Variants in XYLT1 observed in about 807,000 individuals in gnomAD.
XYLT1 encodes xylosyltransferase 1.
A neutral mutation model predicts 91.3 loss-of-function variants in XYLT1; 36 were observed. The ratio of observed to expected loss-of-function variants is 0.39; its 90% CI spans 0.30 to 0.52. XYLT1 has a LOEUF of 0.52. XYLT1 is among the 20% of genes least tolerant of loss of function. The pLI is 0.68. For missense variants in XYLT1, 1,242 were observed against 1,284.5 expected (o/e 0.97, Z 0.51); for synonymous variants, 588 against 532.0 (o/e 1.11, Z -1.45).
chr16:17,430,349 C>T (rs1311570491), intron 1 of XYLT1, among the ~76,000 whole-genome samples: 3 of 152,254 alleles, frequency 2.0e-5, no homozygotes, highest in East Asian at 1.9e-4. Flanking sequence ...TACGGGTGCT[C>T]AACCAGTAAG....
intron 2 of XYLT1, among the ~76,000 whole-genome samples, chr16:17,300,452 CTTTTTTT>C (rs67480834): frequency 1.7e-4 from 11 of 64,844 alleles, no homozygotes; most frequent in African/African-American, 3.7e-4. Flanking sequence ...TTCATTCTTT[CTTTTTTT>C]TTTTTTTTTT....
chr16:17,421,189 C>T (rs2036247713), intron 1 of XYLT1, among the ~76,000 whole-genome samples: 1 of 152,168 alleles, frequency 6.6e-6, no homozygotes, highest in Non-Finnish European at 1.5e-5. Context: ...GAGAACATGC[C>T]TGTGCTTTGT....
chr16:17,353,717 G>GA (rs756934975), intron 2 of XYLT1, among the ~76,000 whole-genome samples: 31,901 of 151,908 alleles, frequency 0.21, 3,622 homozygotes, highest in Middle Eastern at 0.28. Flanking sequence ...CTGTCTATCT[G>GA]TCCGTCTGTC....
At chr16:17,252,118 T>A (rs569082906) in intron 3 of XYLT1, among the ~76,000 whole-genome samples, 3 of 146,158 alleles carry the variant, frequency 2.1e-5, no homozygotes, top group Admixed American at 2.0e-4. Flanking sequence ...GGTGCAAAAG[T>A]AATTGCAGAA....
chr16:17,445,803 G>A (rs1295316589), intron 1 of XYLT1: 2 of 152,274 alleles, frequency 1.3e-5, no homozygotes, highest in East Asian at 3.9e-4. Flanking sequence ...TTGTTCTCAG[G>A]GGCACCATTC....
intron 1 of XYLT1, among the ~76,000 whole-genome samples, chr16:17,453,678 A>G (rs2036697765): frequency 2.0e-5 from 3 of 152,244 alleles, no homozygotes. Context: ...GACACACGCT[A>G]CTGCAGGCTA....
chr16:17,247,940 A>G (rs554894299), intron 3 of XYLT1, among the ~76,000 whole-genome samples: 2 of 152,282 alleles, frequency 1.3e-5, no homozygotes, highest in South Asian at 4.2e-4. Flanking sequence ...AGGGCTCAAA[A>G]GTGGAAGAAG....
At chr16:17,164,057 A>AAAAAAAG (rs1206785439) in intron 5 of XYLT1, among the ~76,000 whole-genome samples, 2 of 148,758 alleles carry the variant, frequency 1.3e-5, no homozygotes, top group Non-Finnish European at 3.0e-5. Context: ...AAAAAAAAAA[A>AAAAAAAG]AAAAAAAAAA....
chr16:17,285,160 G>A (rs1184927452), intron 2 of XYLT1, among the ~76,000 whole-genome samples: 1 of 152,196 alleles, frequency 6.6e-6, no homozygotes, highest in Non-Finnish European at 1.5e-5. Context: ...TCTTCTCTCC[G>A]GGGTGTTGCT....
intron 1 of XYLT1, among the ~76,000 whole-genome samples, chr16:17,465,348 T>C (rs1475473404): frequency 6.6e-6 from 1 of 151,884 alleles, no homozygotes; most frequent in African/African-American, 2.4e-5. Flanking sequence ...GAGCTTCAGT[T>C]TCCTCCTGGG....
intron 1 of XYLT1, among the ~76,000 whole-genome samples, chr16:17,423,242 T>A (rs1300455085): frequency 6.6e-6 from 1 of 152,152 alleles, no homozygotes; most frequent in Non-Finnish European, 1.5e-5. Flanking sequence ...GGGCCGCCCT[T>A]CTCGGCAGGC....
intron 2 of XYLT1, among the ~76,000 whole-genome samples, chr16:17,280,032 T>C (rs1455369787): frequency 6.6e-6 from 1 of 152,144 alleles, no homozygotes; most frequent in Non-Finnish European, 1.5e-5. Context: ...GCAATCAACA[T>C]CCTGCCCATG....
At chr16:17,374,882 T>C (rs2035578390) in intron 1 of XYLT1, among the ~76,000 whole-genome samples, 1 of 152,126 alleles carries the variant, frequency 6.6e-6, no homozygotes, top group South Asian at 2.1e-4. Context: ...CATGTTTCCA[T>C]TTACTCACAC....
intron 3 of XYLT1, among the ~76,000 whole-genome samples, chr16:17,258,729 C>G (rs2033673133): frequency 6.6e-6 from 1 of 152,202 alleles, no homozygotes; most frequent in Non-Finnish European, 1.5e-5. Flanking sequence ...CTCCCGATTT[C>G]ACTATAATTT....
At chr16:17,226,028 G>A (rs1481898232) in intron 3 of XYLT1, among the ~76,000 whole-genome samples, 1 of 148,384 alleles carries the variant, frequency 6.7e-6, no homozygotes, top group Non-Finnish European at 1.5e-5. Context: ...GCATGAGGTA[G>A]TGGGTTTGAA....
intron 2 of XYLT1, among the ~76,000 whole-genome samples, chr16:17,325,115 G>A (rs2034779762): frequency 6.6e-6 from 1 of 152,062 alleles, no homozygotes; most frequent in African/African-American, 2.4e-5. Context: ...CTGGGCGGGG[G>A]TGCCGGGCAC....
chr16:17,399,819 T>C (rs531820402), intron 1 of XYLT1, among the ~76,000 whole-genome samples: 76 of 152,276 alleles, frequency 5.0e-4, no homozygotes, highest in Middle Eastern at 3.4e-3. Context: ...GCTGCACGTT[T>C]ATTAATTTTA....
chr16:17,458,223 T>C (rs1285735857), intron 1 of XYLT1, among the ~76,000 whole-genome samples: 1 of 152,230 alleles, frequency 6.6e-6, no homozygotes, highest in Non-Finnish European at 1.5e-5. Flanking sequence ...CTGCTAACGT[T>C]GTACTGCGGT....
chr16:17,460,068 G>A (rs1378306662), intron 1 of XYLT1, among the ~76,000 whole-genome samples: 1 of 152,182 alleles, frequency 6.6e-6, no homozygotes, highest in Non-Finnish European at 1.5e-5. Context: ...CAGGGAGGGA[G>A]GCAGGCTTAT....
Sources: allele counts gnomAD v4.1 joint callset (sites outside exome capture counted in the v4.1 genomes callset), GRCh38; gene constraint gnomAD v4.1.1; transcripts MANE v1.5; gene names NCBI Gene and HGNC (gene_info 2026-07-23, HGNC 2026-07-21).